Variants in PDCD10 observed in about 807,000 individuals in gnomAD.
The protein encoded by PDCD10 is programmed cell death 10, also known as programmed cell death protein 10.
PDCD10 carries 4 observed loss-of-function variants against 29.2 expected under a neutral mutation model. The observed-to-expected ratio is 0.14, with a 90% CI of 0.07 to 0.31. The LOEUF (loss-of-function observed/expected upper bound fraction) is 0.31, where lower values mean the gene tolerates loss of function less well. Among genes scored for constraint, PDCD10 ranks in the 10% least tolerant of loss-of-function variants. The pLI, the probability that PDCD10 is intolerant of heterozygous loss-of-function variation, is 1.00. For missense variants in PDCD10, 183 were observed against 257.9 expected, an observed-to-expected ratio of 0.71 and a Z score of 1.99; for synonymous variants, 70 against 82.2, an observed-to-expected ratio of 0.85 and a Z score of 0.80.
chr3:167,684,979 G>T (rs1252760024), intron 8 of PDCD10, among the ~76,000 whole-genome samples: 1 of 150,686 alleles, frequency 6.6e-6, no homozygotes, highest in African/African-American at 2.4e-5. Flanking sequence ...AACTGGCTTT[G>T]AGCCCCACCA....
At chr3:167,724,535 T>G (rs552949709) in intron 2 of PDCD10, among the ~76,000 whole-genome samples, 1 of 152,188 alleles carries the variant, frequency 6.6e-6, no homozygotes, top group Non-Finnish European at 1.5e-5. Context: ...TTCTTCCCAA[T>G]AGAGACATTA....
intron 6 of PDCD10, among the ~76,000 whole-genome samples, chr3:167,692,711 G>C (rs1224544028): frequency 6.6e-6 from 1 of 152,198 alleles, no homozygotes; most frequent in Admixed American, 6.5e-5. Flanking sequence ...AAGGTCAAGA[G>C]ATCGAGACCA....
At chr3:167,684,713 TTC>T (rs1326425050) in intron 8 of PDCD10, among the ~76,000 whole-genome samples, 21 of 152,232 alleles carry the variant, frequency 1.4e-4, no homozygotes, top group Admixed American at 9.2e-4. Context: ...CAGCTGTGGT[TTC>T]ATAGAAGTTA....
chr3:167,692,779 A>G (rs999445842), intron 6 of PDCD10, among the ~76,000 whole-genome samples: 6 of 152,178 alleles, frequency 3.9e-5, no homozygotes, highest in African/African-American at 7.2e-5. Flanking sequence ...TTAGCCAGGC[A>G]TGGTGGCGGG....
intron 3 of PDCD10, among the ~76,000 whole-genome samples, chr3:167,719,081 A>AAC (rs10663308): frequency 0.29 from 43,491 of 151,634 alleles, 6,792 homozygotes; most frequent in African/African-American, 0.43. Flanking sequence ...TTATAGAATA[A>AAC]AACTGTAATC....
chr3:167,710,844 C>T (rs1167584291), intron 3 of PDCD10, among the ~76,000 whole-genome samples: 2 of 152,162 alleles, frequency 1.3e-5, no homozygotes, highest in Non-Finnish European at 2.9e-5. Flanking sequence ...GGAAGTTCAG[C>T]ACAGAGAGAC....
At chr3:167,727,736 C>G (rs1043826412) in intron 2 of PDCD10, among the ~76,000 whole-genome samples, 1 of 152,158 alleles carries the variant, frequency 6.6e-6, no homozygotes, top group Non-Finnish European at 1.5e-5. Context: ...GAGCTACTTG[C>G]TTTGTATCAC....
chr3:167,696,919 GAAGGAA>G, intron 5 of PDCD10, 84 bp downstream of exon 5: 1 of 792,988 alleles, frequency 1.3e-6, no homozygotes, highest in Non-Finnish European at 2.3e-6. Flanking sequence ...AAACAGTAGG[GAAGGAA>G]GATCCTTTGG....
chr3:167,718,971 T>C lies in PDCD10; in HGVS notation c.96+1091A>G, dbSNP rs1257719006. Among the ~76,000 whole-genome samples, 4 of 152,058 alleles carry C rather than the reference T, an allele frequency of 2.6e-5. No homozygotes were observed. The East Asian group carries it at 5.8e-4, about 22-fold the overall frequency. ...ACCTAACATTACTTGAGAGATAGTGTTTGAAAATTTAAAATGTTGACTGCA... is the reference window on the plus strand; with the variant it reads ...ACCTAACATTACTTGAGAGATAGTGCTTGAAAATTTAAAATGTTGACTGCA... On this transcript the variant is annotated intron_variant, in intron 3 of 8. Coordinates refer to ENST00000392750, the MANE Select transcript of PDCD10 (RefSeq NM_007217.4).
chr3:167,684,966 T>TTTTTTTTTTTTTTTTTTTTTGAG, intron 8 of PDCD10, among the ~76,000 whole-genome samples: 1 of 152,126 alleles, frequency 6.6e-6, no homozygotes, highest in East Asian at 1.9e-4. Context: ...ATATATTCTT[T>TTTTTTTTTTTTTTTTTTTTTGAG]AAAACTGGCT....
chr3:167,695,764 C>T (rs1274525330), intron 5 of PDCD10, 42 bp from the exon 6 acceptor site: 5 of 1,596,552 alleles, frequency 3.1e-6, no homozygotes, highest in Non-Finnish European at 4.3e-6. Flanking sequence ...CTGCGACTCT[C>T]TGCCAAATTC....
chr3:167,704,234 T>C (rs1721741533), intron 4 of PDCD10, among the ~76,000 whole-genome samples: 1 of 152,184 alleles, frequency 6.6e-6, no homozygotes, highest in Admixed American at 6.5e-5. Flanking sequence ...TTTTAAATTT[T>C]TACTTTATTT....
intron 3 of PDCD10, among the ~76,000 whole-genome samples, chr3:167,711,055 C>T (rs1722474528): frequency 6.6e-6 from 1 of 152,100 alleles, no homozygotes; most frequent in Admixed American, 6.6e-5. Context: ...GAAAGATGGG[C>T]AAAAACAAGC....
intron 3 of PDCD10, among the ~76,000 whole-genome samples, chr3:167,709,853 G>A (rs775459020): frequency 1.3e-5 from 2 of 152,108 alleles, no homozygotes; most frequent in Non-Finnish European, 2.9e-5. Context: ...AAGGCAACAA[G>A]TAAAGGCAAC....
At chr3:167,706,334 G>A (rs900252708) in intron 3 of PDCD10, among the ~76,000 whole-genome samples, 7 of 152,172 alleles carry the variant, frequency 4.6e-5, no homozygotes, top group African/African-American at 1.4e-4. Context: ...GTCATGCATC[G>A]CTTAATGATG....
At chr3:167,710,968 T>A (rs899675980) in intron 3 of PDCD10, among the ~76,000 whole-genome samples, 5 of 152,180 alleles carry the variant, frequency 3.3e-5, no homozygotes, top group Non-Finnish European at 7.3e-5. Context: ...CGGTGGTATC[T>A]CTAGGAGACT....
chr3:167,707,856 C>T (rs1722142156), intron 3 of PDCD10, among the ~76,000 whole-genome samples: 1 of 152,114 alleles, frequency 6.6e-6, no homozygotes, highest in Admixed American at 6.5e-5. Context: ...CTCAGTTACA[C>T]AGTATGTCCA....
Position 167,720,083 on chromosome 3 carries a change from G to A in PDCD10, c.75C>T (p.Val25=). ...TSMVSMPLYA[V]MYPVFNELER... ...TCACCTCATTAAACACAGGATACAT[G>A]ACTGCATAGAGGGGCATAGAAACCA... Residue 25 remains valine (V), a synonymous_variant, in exon 3 of 9, where the codon GTC becomes GTT. Coordinates refer to ENST00000392750, the MANE Select transcript of PDCD10 (RefSeq NM_007217.4). 1.2e-6 allele frequency: 2 copies of A among 1,606,760 alleles called. No homozygotes were observed. Among genetic ancestry groups the A allele is most frequent in the South Asian group, 2.2e-5 (2 of 90,952 alleles).
In PDCD10 at chr3:167,725,761, GTTTATATATATATATATATATATA is replaced by G. The variant is rs1357898389; in HGVS notation, c.-116-5512_-116-5489del. On this transcript the variant is annotated intron_variant, in intron 2 of 8. Coordinates refer to ENST00000392750, the MANE Select transcript of PDCD10 (RefSeq NM_007217.4). ...GTATATAGCACTTTACCATTGTATC[GTTTATATATATATATATATATATA>G]TATATATATATATATATATATATAT... Among the ~76,000 whole-genome samples, 90 of 54,722 alleles carry G rather than the reference GTTTATATATATATATATATATATA, an allele frequency of 1.6e-3. 2 individuals carry two copies. The East Asian group carries it at 0.041, about 25-fold the overall frequency. 35.9% of individuals were successfully genotyped at this position (54,722 alleles called of 152,430 possible).
Sources: allele counts gnomAD v4.1 joint callset (sites outside exome capture counted in the v4.1 genomes callset), GRCh38; gene constraint gnomAD v4.1.1; transcripts MANE v1.5; gene names NCBI Gene and HGNC (gene_info 2026-07-23, HGNC 2026-07-21).